CACNA1D: variants seen among roughly 807,000 people sequenced by gnomAD.
CACNA1D encodes calcium voltage-gated channel subunit alpha1 D, also known as voltage-dependent L-type calcium channel subunit alpha-1D.
A neutral mutation model predicts 257.1 loss-of-function variants in CACNA1D; 55 were observed. The observed-to-expected ratio is 0.21, with a 90% CI of 0.17 to 0.27. The LOEUF (loss-of-function observed/expected upper bound fraction) is 0.27, where lower values mean the gene tolerates loss of function less well. Ranked by LOEUF, CACNA1D falls within the 10% of genes least tolerant of loss-of-function variation. The pLI, the probability that CACNA1D is intolerant of heterozygous loss-of-function variation, is 1.00. For synonymous variants in CACNA1D, 980 were observed against 1,014.9 expected (o/e 0.97, Z 0.65); for missense variants, 1,876 against 2,784.0 (o/e 0.67, Z 7.34).
intron 39 of CACNA1D, 145 bp downstream of exon 39, chr3:53,781,812 C>T: frequency 2.9e-6 from 2 of 699,790 alleles, no homozygotes; most frequent in South Asian, 1.5e-5. Flanking sequence ...AGCCCTTTGG[C>T]CATTTGGTGT....
At position 53,494,860 on chromosome 3, in the gene CACNA1D, T is replaced by C. The variant is rs1368756187; in HGVS notation, c.-307T>C. 1 of 232,010 alleles carries C rather than the reference T, an allele frequency of 4.3e-6. No individual in the cohort carries two copies. The highest frequency in any genetic ancestry group is 2.3e-5 in the African/African-American group (1 of 44,318). 14.4% of individuals were successfully genotyped at this position (232,010 alleles called of 1,614,324 possible). Reference sequence around the variant, plus strand: ...GAGGAGGGGACAAGCCAGTTCTCCTTTGCAGCAAAAAATTACATGTATATA... The same window carrying C: ...GAGGAGGGGACAAGCCAGTTCTCCTCTGCAGCAAAAAATTACATGTATATA... On this transcript the variant is annotated 5_prime_UTR_variant, in exon 1 of 48. Transcript: ENST00000350061.
rs71074934 is a variant in CACNA1D, at chr3:53,810,758, C to CAAAAAAAAAAAAAAA, written c.6193-341_6193-327dup. On this transcript the variant is annotated intron_variant, in intron 47 of 47. Transcript: ENST00000350061. ...GGGCCACAGAGCGAGACTCTTGTCTCAAAAAAAAAAAAAAAAAAAAAAAAA... is the reference window on the plus strand; with the variant it reads ...GGGCCACAGAGCGAGACTCTTGTCTCAAAAAAAAAAAAAAAAAAAAAAAAAAAAAAAAAAAAAAAA... Among the ~76,000 whole-genome samples, 93 of 68,288 alleles carry CAAAAAAAAAAAAAAA rather than the reference C, an allele frequency of 1.4e-3. 2 individuals carry two copies. The highest frequency in any genetic ancestry group is 5.1e-3 in the African/African-American group (61 of 11,866). 44.8% of individuals were successfully genotyped at this position (68,288 alleles called of 152,430 possible). A position where few individuals can be genotyped will look rare whatever the true frequency, so the allele number is the denominator to read the frequency against.
At chr3:53,548,965 A>G (rs755494502) in intron 3 of CACNA1D, among the ~76,000 whole-genome samples, 6 of 152,206 alleles carry the variant, frequency 3.9e-5, no homozygotes, top group Admixed American at 3.3e-4. Context: ...GTTAGATATC[A>G]TTAGTTAAAA....
At chr3:53,529,047 T>G (rs2091860932) in intron 3 of CACNA1D, among the ~76,000 whole-genome samples, 1 of 152,240 alleles carries the variant, frequency 6.6e-6, no homozygotes, top group African/African-American at 2.4e-5. Context: ...TTCCATATGG[T>G]ATAGAATAGA....
intron 3 of CACNA1D, among the ~76,000 whole-genome samples, chr3:53,603,639 G>A (rs1014846076): frequency 1.3e-5 from 2 of 152,154 alleles, no homozygotes; most frequent in African/African-American, 4.8e-5. Flanking sequence ...TATTGTGTTG[G>A]AAGCTATAGT....
intron 3 of CACNA1D, among the ~76,000 whole-genome samples, chr3:53,616,216 A>G (rs775263189): frequency 3.3e-5 from 5 of 152,082 alleles, no homozygotes; most frequent in East Asian, 1.9e-4. Context: ...TCTTCTCACT[A>G]TCAGTGGTTG....
chr3:53,713,001 C>A (rs2094776597), intron 9 of CACNA1D, among the ~76,000 whole-genome samples: 1 of 152,222 alleles, frequency 6.6e-6, no homozygotes, highest in Non-Finnish European at 1.5e-5. Context: ...CTACTGCTTC[C>A]TGTGCTGCAC....
intron 3 of CACNA1D, among the ~76,000 whole-genome samples, chr3:53,565,627 AT>A (rs2092820683): frequency 6.6e-6 from 1 of 152,184 alleles, no homozygotes; most frequent in Admixed American, 6.5e-5. Flanking sequence ...TCCAGAAAAT[AT>A]ACTGAGGAAC....
chr3:53,639,314 A>G (rs1367725038), intron 3 of CACNA1D, among the ~76,000 whole-genome samples: 1 of 152,038 alleles, frequency 6.6e-6, no homozygotes, highest in African/African-American at 2.4e-5. Flanking sequence ...GAAAGTGATA[A>G]CTGTCCAGGC....
At chr3:53,632,293 T>C (rs1172621680) in intron 3 of CACNA1D, among the ~76,000 whole-genome samples, 1 of 152,238 alleles carries the variant, frequency 6.6e-6, no homozygotes, top group Admixed American at 6.5e-5. Flanking sequence ...TTAAAACTTA[T>C]GAACTAAGCC....
intron 9 of CACNA1D, among the ~76,000 whole-genome samples, chr3:53,705,762 G>A (rs36077841): frequency 0.066 from 9,990 of 152,262 alleles, 389 homozygotes; most frequent in Non-Finnish European, 0.077. Context: ...TCTGAGGAGA[G>A]AACCTCTCTG....
chr3:53,745,324 TCTGCCTCCTGGGGTCAAGCAATTCCC>T (rs2095157735), intron 23 of CACNA1D, among the ~76,000 whole-genome samples: 1 of 151,462 alleles, frequency 6.6e-6, no homozygotes, highest in Non-Finnish European at 1.5e-5. Context: ...CACTACAACC[TCTGCCTCCTGGGGTCAAGCAATTCCC>T]CTGCCTCAGC....
intron 3 of CACNA1D, among the ~76,000 whole-genome samples, chr3:53,597,350 G>A (rs541434422): frequency 1.4e-4 from 22 of 152,316 alleles, no homozygotes; most frequent in African/African-American, 5.1e-4. Flanking sequence ...GTTGATGGGA[G>A]CATGTTACTG....
chr3:53,759,131 G>T (rs1436226412), intron 29 of CACNA1D, among the ~76,000 whole-genome samples: 1 of 152,146 alleles, frequency 6.6e-6, no homozygotes, highest in Non-Finnish European at 1.5e-5. Flanking sequence ...ATTCCAATTT[G>T]GGCACAGTTT....
At position 53,770,445 on chromosome 3, in the gene CACNA1D, A is replaced by C. The variant is rs1267241443; in HGVS notation, c.3937A>C (p.Ile1313Leu). 1 of 1,613,996 alleles carries C rather than the reference A, an allele frequency of 6.2e-7. No homozygotes were observed. Among genetic ancestry groups the C allele is most frequent in the East Asian group, 2.2e-5 (1 of 44,880 alleles). The change falls in exon 32 of 48, where the codon ATC becomes CTC. Residue 1313 changes from isoleucine (I) to leucine (L), a missense_variant. This residue lies in a region of CACNA1D where 204 missense variants were observed against 309.4 expected (regional missense o/e 0.66). Coordinates refer to ENST00000350061, the MANE Select transcript of CACNA1D (RefSeq NM_001128840.3). ...TCAGAACTCTGAAGAGAGCAATAGA[A>C]TCTCCATCACCTTTTTCCGTCTTTT... ...TPGNSEESNR[I>L]SITFFRLFRV...
At chr3:53,771,828 A>T (rs767563226) in intron 32 of CACNA1D, among the ~76,000 whole-genome samples, 5 of 152,214 alleles carry the variant, frequency 3.3e-5, no homozygotes, top group Admixed American at 2.6e-4. Context: ...TAGGAAGAAA[A>T]TGCACGTAGG....
chr3:53,534,878 TC>T (rs1248501552), intron 3 of CACNA1D, among the ~76,000 whole-genome samples: 2 of 152,116 alleles, frequency 1.3e-5, no homozygotes, highest in Non-Finnish European at 2.9e-5. Flanking sequence ...TCACGCCAGC[TC>T]CCCCACGGAA....
At chr3:53,616,925 A>C (rs768364165) in intron 3 of CACNA1D, among the ~76,000 whole-genome samples, 5 of 152,018 alleles carry the variant, frequency 3.3e-5, no homozygotes, top group Non-Finnish European at 4.4e-5. Context: ...TTGAGGGGAA[A>C]GAATGGTTGG....
chr3:53,624,687 G>C (rs1331885451), intron 3 of CACNA1D, among the ~76,000 whole-genome samples: 3 of 152,180 alleles, frequency 2.0e-5, no homozygotes, highest in Non-Finnish European at 4.4e-5. Flanking sequence ...CCGTAATTCT[G>C]TTTATATGAC....
Sources: gnomAD v4.1 joint callset for allele counts (sites outside exome capture counted in the v4.1 genomes callset) on GRCh38, gnomAD v4.1.1 for gene constraint, gnomAD v4.1.1 regional missense constraint, MANE v1.5 for transcripts, NCBI Gene and HGNC (gene_info 2026-07-23, HGNC 2026-07-21) for gene names.